Variants in PARD3B observed in about 807,000 individuals in gnomAD.
The protein encoded by PARD3B is par-3 family cell polarity regulator beta, also known as partitioning defective 3 homolog B.
PARD3B carries 103 observed loss-of-function variants against 130.2 expected under a neutral mutation model. That is an observed-to-expected ratio of 0.79 (90% CI 0.67 to 0.93). The LOEUF (loss-of-function observed/expected upper bound fraction) is 0.93, where lower values mean the gene tolerates loss of function less well. PARD3B is among the 40% of genes least tolerant of loss of function. PARD3B has a pLI of 0.00. For synonymous variants in PARD3B, 583 were observed against 553.2 expected (o/e 1.05, Z -0.76); for missense variants, 1,609 against 1,499.2 (o/e 1.07, Z -1.21).
chr2:204,779,349 T>C (rs2041756704), intron 2 of PARD3B, among the ~76,000 whole-genome samples: 1 of 152,144 alleles, frequency 6.6e-6, no homozygotes, highest in South Asian at 2.1e-4. Context: ...ATAAATTTAT[T>C]TGGGGCAGAT....
At chr2:205,213,312 T>C (rs2125853630) in intron 15 of PARD3B, among the ~76,000 whole-genome samples, 1 of 152,264 alleles carries the variant, frequency 6.6e-6, no homozygotes, top group Non-Finnish European at 1.5e-5. Flanking sequence ...TACTATATCT[T>C]AGCACAGAAT....
chr2:204,812,172 G>A (rs1329679623), intron 2 of PARD3B, among the ~76,000 whole-genome samples: 2 of 152,112 alleles, frequency 1.3e-5, no homozygotes, highest in Non-Finnish European at 2.9e-5. Flanking sequence ...ATTATTTTGA[G>A]ATTTAATGAT....
chr2:204,634,824 T>G (rs7600990), intron 1 of PARD3B, among the ~76,000 whole-genome samples: 3,017 of 152,288 alleles, frequency 0.02, 106 homozygotes, highest in African/African-American at 0.068. Flanking sequence ...AGGTCTATTA[T>G]TTCATTGGGG....
rs73057176 is a variant in PARD3B, at chr2:205,103,701, T to C, written c.505-725T>C. 8.1e-4 allele frequency: 794 copies of C among 985,348 alleles called. 7 individuals are homozygous for C. The African/African-American group carries it at 0.013, about 16-fold the overall frequency. 61.0% of individuals were successfully genotyped at this position (985,348 alleles called of 1,614,324 possible). A position where few individuals can be genotyped will look rare whatever the true frequency, so the allele number is the denominator to read the frequency against. ...GTTAGGGAACAGCTCTGAGCCCTAA[T>C]GTCTTCTGTAAGGAAGCAGCAGCAT... is the stretch of plus-strand genomic sequence containing the variant. On this transcript the variant is annotated intron_variant, in intron 4 of 22. Transcript: ENST00000406610.
intron 18 of PARD3B, among the ~76,000 whole-genome samples, chr2:205,384,228 A>G (rs1339324671): frequency 6.6e-6 from 1 of 152,060 alleles, no homozygotes; most frequent in Admixed American, 6.6e-5. Context: ...TTCTTCCCTC[A>G]ACTACTTAAA....
At chr2:204,993,940 T>A (rs1693931552) in intron 3 of PARD3B, among the ~76,000 whole-genome samples, 1 of 152,004 alleles carries the variant, frequency 6.6e-6, no homozygotes, top group African/African-American at 2.4e-5. Context: ...CTTTATCATT[T>A]TTTATTGCAT....
At chr2:205,388,831 G>C (rs961548921) in intron 18 of PARD3B, among the ~76,000 whole-genome samples, 54 of 152,116 alleles carry the variant, frequency 3.5e-4, no homozygotes, top group African/African-American at 1.3e-3. Flanking sequence ...AGGTGCTATG[G>C]GTCCTGGAGG....
chr2:204,691,318 C>T (rs1036131236), intron 2 of PARD3B, among the ~76,000 whole-genome samples: 9 of 152,018 alleles, frequency 5.9e-5, no homozygotes, highest in Non-Finnish European at 1.2e-4. Flanking sequence ...ATTAACTGTA[C>T]AAAAGTAATA....
intron 22 of PARD3B, among the ~76,000 whole-genome samples, chr2:205,571,634 G>GT (rs2053564715): frequency 6.6e-6 from 1 of 152,180 alleles, no homozygotes; most frequent in Non-Finnish European, 1.5e-5. Context: ...GACTAACAGG[G>GT]TTTGGCTTTT....
At chr2:204,939,983 T>C (rs1688780516) in intron 2 of PARD3B, among the ~76,000 whole-genome samples, 1 of 152,216 alleles carries the variant, frequency 6.6e-6, no homozygotes, top group South Asian at 2.1e-4. Context: ...AGAAACAAAT[T>C]GGTAAGTTGA....
At chr2:205,156,483 G>A (rs1461007567) in intron 10 of PARD3B, among the ~76,000 whole-genome samples, 1 of 151,362 alleles carries the variant, frequency 6.6e-6, no homozygotes, top group Non-Finnish European at 1.5e-5. Context: ...AATGGATATT[G>A]AATAATGTCA....
chr2:205,387,851 G>A (rs1453081569), intron 18 of PARD3B, among the ~76,000 whole-genome samples: 1 of 152,156 alleles, frequency 6.6e-6, no homozygotes. Flanking sequence ...GACGCTGCTG[G>A]TGTTCCCTGC....
intron 4 of PARD3B, among the ~76,000 whole-genome samples, chr2:205,093,661 T>A (rs558764883): frequency 6.6e-6 from 1 of 152,270 alleles, no homozygotes; most frequent in East Asian, 1.9e-4. Context: ...ACACAACAGA[T>A]AAAAACCACT....
rs946099235 is a variant in PARD3B, at chr2:205,440,053, C to T, written c.2742-317C>T. Among the ~76,000 whole-genome samples, 2 of 152,194 alleles carry T rather than the reference C, an allele frequency of 1.3e-5. No individual in the cohort carries two copies. Among genetic ancestry groups the T allele is most frequent in the African/African-American group, 4.8e-5 (2 of 41,462 alleles). Reference sequence around the variant, plus strand: ...TCGAACCAAAGATGCACTGTTCCCACAAGCACATGCCATCTGTGGGGAGGG... The same window carrying T: ...TCGAACCAAAGATGCACTGTTCCCATAAGCACATGCCATCTGTGGGGAGGG... On this transcript the variant is annotated intron_variant, in intron 19 of 22. Coordinates refer to ENST00000406610, the MANE Select transcript of PARD3B (RefSeq NM_001302769.2). The surrounding 1 kb of genome is among the most constrained non-coding windows in gnomAD (Gnocchi z 4.2).
chr2:204,698,685 A>G (rs563247240), intron 2 of PARD3B, among the ~76,000 whole-genome samples: 2 of 152,184 alleles, frequency 1.3e-5, no homozygotes, highest in African/African-American at 4.8e-5. Flanking sequence ...GTGACTGGGA[A>G]ATCAGAAGGA....
rs1447078945 is a variant in PARD3B, at chr2:204,678,932, T to G, written c.121-7249T>G. The stretch of plus-strand genomic sequence containing the variant: ...AATAGAACATTGCCCTAGAAGCCGC[T>G]TCATGCCTCTTTCTACTCACCACCC... On this transcript the variant is annotated intron_variant, in intron 1 of 22. Coordinates refer to ENST00000406610, the MANE Select transcript of PARD3B (RefSeq NM_001302769.2). This position sits in a 1 kb window ranked among gnomAD's most constrained non-coding sequence, Gnocchi z 4.2. Among the ~76,000 whole-genome samples the G allele has an allele frequency of 6.6e-6, 1 of 152,168 alleles. No homozygotes were observed. Among genetic ancestry groups the G allele is most frequent in the Non-Finnish European group, 1.5e-5 (1 of 68,034 alleles).
chr2:205,574,853 A>AG (rs1575400782), intron 22 of PARD3B, among the ~76,000 whole-genome samples: 2 of 64,686 alleles, frequency 3.1e-5, no homozygotes, highest in Admixed American at 1.9e-4. Flanking sequence ...GTCACTGAGG[A>AG]GTAAAAAAAA....
intron 4 of PARD3B, among the ~76,000 whole-genome samples, chr2:205,066,945 A>G (rs75834153): frequency 0.025 from 3,857 of 152,096 alleles, 63 homozygotes; most frequent in Non-Finnish European, 0.035. Context: ...AATCCCATGC[A>G]GTGCGTGAGG....
intron 2 of PARD3B, among the ~76,000 whole-genome samples, chr2:204,698,337 G>C (rs1364195097): frequency 1.3e-5 from 2 of 151,990 alleles, no homozygotes; most frequent in Non-Finnish European, 2.9e-5. Flanking sequence ...TCACATTTCT[G>C]CCAAATTATT....
Sources: gnomAD v4.1 joint callset for allele counts (sites outside exome capture counted in the v4.1 genomes callset) on GRCh38, gnomAD v4.1.1 for gene constraint, Gnocchi (gnomAD v3.1) non-coding constraint, MANE v1.5 for transcripts, NCBI Gene and HGNC (gene_info 2026-07-23, HGNC 2026-07-21) for gene names.